The following KATNIP variants were observed in gnomAD, a reference collection of about 807,000 sequenced individuals.
KATNIP encodes the protein katanin interacting protein, also known as katanin-interacting protein.
KATNIP carries 126 observed loss-of-function variants against 174.0 expected under a neutral mutation model. The ratio of observed to expected loss-of-function variants is 0.72; its 90% CI spans 0.63 to 0.84. The LOEUF (loss-of-function observed/expected upper bound fraction) is 0.84, where lower values mean the gene tolerates loss of function less well. Among genes scored for constraint, KATNIP ranks in the 40% least tolerant of loss-of-function variants. KATNIP has a pLI of 0.00. For missense variants in KATNIP, 1,958 were observed against 2,109.7 expected, an observed-to-expected ratio of 0.93 and a Z score of 1.41; for synonymous variants, 810 against 835.7, an observed-to-expected ratio of 0.97 and a Z score of 0.53.
chr16:27,692,217 TG>T (rs1437618512), intron 8 of KATNIP, among the ~76,000 whole-genome samples: 1 of 152,210 alleles, frequency 6.6e-6, no homozygotes, highest in African/African-American at 2.4e-5. Flanking sequence ...CTGGTGCATT[TG>T]TTTAGCTTTG....
intron 13 of KATNIP, among the ~76,000 whole-genome samples, chr16:27,712,727 C>A (rs1457306158): frequency 6.6e-6 from 1 of 152,130 alleles, no homozygotes; most frequent in Non-Finnish European, 1.5e-5. Context: ...CCCTGCCTGC[C>A]CCTCTGAGTT....
At position 27,698,379 on chromosome 16, in the gene KATNIP, G is replaced by A; in HGVS notation, c.992G>A (p.Cys331Tyr). Reference sequence around the variant, plus strand: ...CTGTCTGCAACCCGCAAAACTCTTTGCGAGGCTGAGTACCCAGAGGAAGAT... The same window carrying A: ...CTGTCTGCAACCCGCAAAACTCTTTACGAGGCTGAGTACCCAGAGGAAGAT... Reference protein sequence around the residue: ...RPLSATRKTLCEAEYPEEDAS... With the variant: ...RPLSATRKTLYEAEYPEEDAS... Residue 331 changes from cysteine to tyrosine, a missense_variant, in exon 9 of 28, where the codon TGC becomes TAC. Cys to Tyr is a radical substitution (Grantham distance 194, BLOSUM62 -2). Transcript: ENST00000261588. The A allele has an allele frequency of 6.2e-7, 1 of 1,612,984 alleles. No individual in the cohort carries two copies. The highest frequency in any genetic ancestry group is 8.5e-7 in the Non-Finnish European group (1 of 1,179,474).
chr16:27,629,971 C>A (rs764825550), intron 4 of KATNIP, among the ~76,000 whole-genome samples: 5 of 152,148 alleles, frequency 3.3e-5, no homozygotes, highest in Non-Finnish European at 7.4e-5. Context: ...TATGACTATG[C>A]CACTGTACTC....
At chr16:27,683,336 G>C (rs954402458) in intron 8 of KATNIP, among the ~76,000 whole-genome samples, 1 of 152,152 alleles carries the variant, frequency 6.6e-6, no homozygotes, top group Non-Finnish European at 1.5e-5. Flanking sequence ...CTTAAACAAT[G>C]GAAATGTATC....
At chr16:27,693,692 C>T (rs1399220610) in intron 8 of KATNIP, among the ~76,000 whole-genome samples, 9 of 151,656 alleles carry the variant, frequency 5.9e-5, no homozygotes, top group South Asian at 2.1e-4. Flanking sequence ...CCTGGCCCCA[C>T]TTGATGTTTA....
At chr16:27,591,120 G>C (rs914109341) in intron 2 of KATNIP, among the ~76,000 whole-genome samples, 2 of 151,910 alleles carry the variant, frequency 1.3e-5, no homozygotes, top group Non-Finnish European at 2.9e-5. Flanking sequence ...AATACACTGA[G>C]AACCAAATGG....
chr16:27,568,740 G>A (rs192173352), intron 1 of KATNIP, among the ~76,000 whole-genome samples: 1 of 152,340 alleles, frequency 6.6e-6, no homozygotes, highest in African/African-American at 2.4e-5. Context: ...TGGGATTACA[G>A]GTGTGAGCCA....
At chr16:27,559,897 T>G (rs2089791029) in intron 1 of KATNIP, among the ~76,000 whole-genome samples, 1 of 150,222 alleles carries the variant, frequency 6.7e-6, no homozygotes, top group African/African-American at 2.5e-5. Context: ...GGGAGAATCA[T>G]TTGAATCCAG....
At chr16:27,773,051 T>C in intron 22 of KATNIP, 48 bp from the exon 23 acceptor site, 1 of 1,102,182 alleles carries the variant, frequency 9.1e-7, no homozygotes, top group Non-Finnish European at 1.3e-6. Context: ...TTTACTATAT[T>C]CTGAAAAAAA....
At chr16:27,612,004 G>A (rs2075905872) in intron 2 of KATNIP, among the ~76,000 whole-genome samples, 1 of 152,142 alleles carries the variant, frequency 6.6e-6, no homozygotes, top group Non-Finnish European at 1.5e-5. Flanking sequence ...GAGGCTAGAG[G>A]GGGCTGAGTG....
intron 14 of KATNIP, among the ~76,000 whole-genome samples, chr16:27,732,018 C>T (rs142992289): frequency 2.0e-5 from 3 of 152,296 alleles, no homozygotes; most frequent in African/African-American, 7.2e-5. Context: ...CCCGGTATTG[C>T]CACACAGCCT....
intron 1 of KATNIP, among the ~76,000 whole-genome samples, chr16:27,551,909 A>G (rs182103105): frequency 3.9e-4 from 59 of 152,160 alleles, no homozygotes; most frequent in Admixed American, 2.0e-3. Context: ...CATAATAATC[A>G]TAATAATAAT....
intron 2 of KATNIP, among the ~76,000 whole-genome samples, chr16:27,596,854 C>G (rs1264770098): frequency 6.6e-6 from 1 of 152,126 alleles, no homozygotes; most frequent in Non-Finnish European, 1.5e-5. Flanking sequence ...GAAAACCTGT[C>G]TCTACTAAAA....
At chr16:27,606,129 C>CA (rs1029190640) in intron 2 of KATNIP, among the ~76,000 whole-genome samples, 5 of 149,808 alleles carry the variant, frequency 3.3e-5, no homozygotes, top group East Asian at 2.0e-4. Flanking sequence ...GACTCTGTCT[C>CA]AAAAAAAAAG....
chr16:27,693,209 A>T (rs1346324136), intron 8 of KATNIP, among the ~76,000 whole-genome samples: 2 of 152,100 alleles, frequency 1.3e-5, no homozygotes, highest in African/African-American at 4.8e-5. Context: ...TTACTTTCTC[A>T]TCTCTCCTGT....
intron 6 of KATNIP, among the ~76,000 whole-genome samples, chr16:27,672,659 G>C (rs2077963834): frequency 6.6e-6 from 1 of 152,202 alleles, no homozygotes; most frequent in Non-Finnish European, 1.5e-5. Flanking sequence ...GGATAATCTA[G>C]AAGGAGCAAG....
At chr16:27,734,688 C>T (rs956098136) in intron 14 of KATNIP, among the ~76,000 whole-genome samples, 8 of 152,044 alleles carry the variant, frequency 5.3e-5, no homozygotes, top group African/African-American at 9.6e-5. Context: ...CAGAGAGAGA[C>T]GTCTCAAAAA....
chr16:27,688,520 G>A (rs1462023936), intron 8 of KATNIP, among the ~76,000 whole-genome samples: 1 of 152,156 alleles, frequency 6.6e-6, no homozygotes, highest in Middle Eastern at 3.2e-3. Context: ...GAACCCGGGA[G>A]GCAGAGGTTG....
intron 7 of KATNIP, among the ~76,000 whole-genome samples, chr16:27,679,720 G>A (rs1393255927): frequency 6.8e-6 from 1 of 147,142 alleles, no homozygotes; most frequent in Non-Finnish European, 1.5e-5. Flanking sequence ...CCACTGCACT[G>A]CAGCCTGGGT....
Sources: allele counts gnomAD v4.1 joint callset (sites outside exome capture counted in the v4.1 genomes callset), GRCh38; gene constraint gnomAD v4.1.1; transcripts MANE v1.5; gene names NCBI Gene and HGNC (gene_info 2026-07-23, HGNC 2026-07-21).